Variants in RPA1 observed in about 807,000 individuals in gnomAD.
RPA1 encodes the protein replication protein A 70 kDa DNA-binding subunit.
RPA1 carries 49 observed loss-of-function variants against 83.0 expected under a neutral mutation model. That is an observed-to-expected ratio of 0.59 (90% CI 0.47 to 0.75). The LOEUF (loss-of-function observed/expected upper bound fraction) is 0.75, where lower values mean the gene tolerates loss of function less well. Among genes scored for constraint, RPA1 ranks in the 30% least tolerant of loss-of-function variants. The probability of loss-of-function intolerance (pLI) is 0.00; values close to 1 mark genes in which losing one functional copy is unlikely to be tolerated. For synonymous variants in RPA1, 279 were observed against 281.8 expected, an observed-to-expected ratio of 0.99 and a Z score of 0.10; for missense variants, 693 against 776.1, an observed-to-expected ratio of 0.89 and a Z score of 1.27.
chr17:1,837,083 G>A (rs1057188209), intron 1 of RPA1, among the ~76,000 whole-genome samples: 2 of 151,918 alleles, frequency 1.3e-5, no homozygotes, highest in East Asian at 1.9e-4. Context: ...TGATCCACCC[G>A]CCTCAGCCTC....
At chr17:1,877,102 G>T in intron 7 of RPA1, 110 bp from the exon 8 acceptor site, 1 of 975,616 alleles carries the variant, frequency 1.0e-6, no homozygotes, top group Non-Finnish European at 1.6e-6. Context: ...TAAAATACAG[G>T]TTGGAAAACG....
intron 2 of RPA1, 101 bp from the exon 3 acceptor site, chr17:1,843,819 G>T: frequency 1.2e-6 from 1 of 831,968 alleles, no homozygotes. Flanking sequence ...CAAACAGTTT[G>T]TGTTGAACTA....
At chr17:1,861,828 A>G (rs562936272) in intron 5 of RPA1, among the ~76,000 whole-genome samples, 68 of 152,068 alleles carry the variant, frequency 4.5e-4, no homozygotes, top group African/African-American at 1.5e-3. Flanking sequence ...GACTCAAGCA[A>G]TCCTCCTTGC....
intron 5 of RPA1, among the ~76,000 whole-genome samples, chr17:1,853,648 A>G (rs1288348319): frequency 6.6e-6 from 1 of 152,322 alleles, no homozygotes; most frequent in Middle Eastern, 3.4e-3. Context: ...GTGCCACTGC[A>G]CTCCAGCCTG....
At chr17:1,836,463 C>T (rs566604859) in intron 1 of RPA1, among the ~76,000 whole-genome samples, 3 of 152,154 alleles carry the variant, frequency 2.0e-5, no homozygotes, top group East Asian at 3.9e-4. Flanking sequence ...AATGTGCGCA[C>T]CCCTGTAACC....
At chr17:1,834,158 C>T (rs565246132) in intron 1 of RPA1, among the ~76,000 whole-genome samples, 7 of 152,050 alleles carry the variant, frequency 4.6e-5, no homozygotes, top group Admixed American at 6.6e-5. Context: ...CCAGACTGGG[C>T]GACAGAGTGA....
chr17:1,842,589 G>A (rs1191031649), intron 1 of RPA1, among the ~76,000 whole-genome samples: 1 of 152,190 alleles, frequency 6.6e-6, no homozygotes, highest in Non-Finnish European at 1.5e-5. Context: ...ACCGGTGCTA[G>A]AGATGTGCTA....
intron 4 of RPA1, among the ~76,000 whole-genome samples, chr17:1,846,164 C>T (rs1482043113): frequency 6.6e-6 from 1 of 151,998 alleles, no homozygotes; most frequent in Non-Finnish European, 1.5e-5. Flanking sequence ...GCCTGTTGGT[C>T]TTTATGCTAG....
At chr17:1,893,559 ATTAG>A (rs1914277418) in intron 15 of RPA1, among the ~76,000 whole-genome samples, 1 of 152,120 alleles carries the variant, frequency 6.6e-6, no homozygotes, top group Non-Finnish European at 1.5e-5. Flanking sequence ...TGAACTATTA[ATTAG>A]TTTTTCTTTT....
chr17:1,895,173 T>C, intron 16 of RPA1, 78 bp downstream of exon 16: 1 of 1,164,406 alleles, frequency 8.6e-7, no homozygotes, highest in Non-Finnish European at 1.3e-6. Context: ...TGACACTCCC[T>C]GGCAGGGAGT....
chr17:1,832,013 C>T (rs977795476), intron 1 of RPA1, among the ~76,000 whole-genome samples: 1 of 149,308 alleles, frequency 6.7e-6, no homozygotes, highest in Non-Finnish European at 1.5e-5. Flanking sequence ...ACTGCAACCT[C>T]TGCCTTCTGG....
At chr17:1,848,186 A>C (rs1912333630) in intron 4 of RPA1, among the ~76,000 whole-genome samples, 2 of 152,162 alleles carry the variant, frequency 1.3e-5, no homozygotes, top group Admixed American at 1.3e-4. Flanking sequence ...AAAATGCAAA[A>C]CCCATAGGAT....
In RPA1 at chr17:1,880,422, T is replaced by G. The variant is rs906463857; in HGVS notation, c.1093-121T>G. ...TCTCATGTGTGAGGTCTGTCTTGTA[T>G]GGATTCCATGTACGCTGATTACATT... On this transcript the variant is annotated intron_variant, in intron 11 of 16. Coordinates refer to ENST00000254719, the MANE Select transcript of RPA1 (RefSeq NM_002945.5). 5 of 1,010,498 alleles carry G rather than the reference T, an allele frequency of 4.9e-6. No homozygotes were observed. The African/African-American group carries it at 6.4e-5, about 13-fold the overall frequency. The allele number at this position is 1,010,498 out of a possible 1,614,324, so 62.6% of individuals were successfully genotyped here.
chr17:1,900,026 G>A lies in RPA1; in HGVS notation c.*2851G>A, dbSNP rs186443838. 1 of 152,112 alleles carries A rather than the reference G, an allele frequency of 6.6e-6. No individual in the cohort carries two copies. The highest frequency in any genetic ancestry group is 1.5e-5 in the Non-Finnish European group (1 of 68,030). 9.4% of individuals were successfully genotyped at this position (152,112 alleles called of 1,614,324 possible). A position where few individuals can be genotyped will look rare whatever the true frequency, so the allele number is the denominator to read the frequency against. On this transcript the variant is annotated 3_prime_UTR_variant, in exon 17 of 17. Coordinates refer to ENST00000254719, the MANE Select transcript of RPA1 (RefSeq NM_002945.5). ...AAGTCATCGGTTCCTCAAAAAGAGA[G>A]CATAGATGTTTAATTTTCACTTATT...
intron 4 of RPA1, 149 bp from the exon 5 acceptor site, chr17:1,852,952 C>G (rs984905141): frequency 1.6e-6 from 1 of 631,704 alleles, no homozygotes; most frequent in East Asian, 2.8e-5. Context: ...GATAATGATG[C>G]GGCGAAAGAT....
chr17:1,865,775 G>T (rs7224443), intron 5 of RPA1, among the ~76,000 whole-genome samples: 130,665 of 152,160 alleles, frequency 0.86, 56,379 homozygotes, highest in Non-Finnish European at 0.9. Flanking sequence ...GTACACTATC[G>T]TGTCTTTTTC....
chr17:1,895,027 GAAGTTTTCCAGA>G lies in RPA1; in HGVS notation c.1680_1691del (p.Glu560_Asn564delinsAsp). 14 of 1,613,436 alleles carry G rather than the reference GAAGTTTTCCAGA, an allele frequency of 8.7e-6. No individual in the cohort carries two copies. Among genetic ancestry groups the G allele is most frequent in the Non-Finnish European group, 1.2e-5 (14 of 1,179,634 alleles). On this transcript the variant is annotated inframe_deletion, in exon 16 of 17. Coordinates refer to ENST00000254719, the MANE Select transcript of RPA1 (RefSeq NM_002945.5). ...TTTGCAGAATGAACAGGCATTTGAA[GAAGTTTTCCAGA>G]ATGCCAACTTCCGATCTTTCATATT...
chr17:1,857,500 T>A (rs1224481993), intron 5 of RPA1, among the ~76,000 whole-genome samples: 2 of 151,786 alleles, frequency 1.3e-5, no homozygotes, highest in African/African-American at 4.8e-5. Context: ...TATCTCCCTC[T>A]AGCTGGGACA....
Position 1,830,100 on chromosome 17 carries a change from G to A in RPA1, c.7G>A (p.Gly3Ser), listed in dbSNP as rs952968242. 3 of 1,250,190 alleles carry A rather than the reference G, an allele frequency of 2.4e-6. No homozygotes were observed. Among genetic ancestry groups the A allele is most frequent in the East Asian group, 3.1e-5 (1 of 31,848 alleles). The allele number at this position is 1,250,190 out of a possible 1,614,324, so 77.4% of individuals were successfully genotyped here. Residue 3 changes from glycine to serine, a missense_variant, in exon 1 of 17, where the codon GGC (glycine) becomes AGC (serine). Physicochemically the swap from Gly to Ser is moderately conservative, Grantham distance 56 (BLOSUM62 0). Coordinates refer to ENST00000254719, the MANE Select transcript of RPA1 (RefSeq NM_002945.5). MV[G>S]QLSEGAIAAI... ...AAGTCTTGGCGGTGGAGCCATGGTC[G>A]GCCAACTGAGCGAGGGGGCCATTGC...
Sources: allele counts gnomAD v4.1 joint callset (sites outside exome capture counted in the v4.1 genomes callset), GRCh38; gene constraint gnomAD v4.1.1; transcripts MANE v1.5; gene names NCBI Gene and HGNC (gene_info 2026-07-23, HGNC 2026-07-21).